The following PAFAH1B1 variants were observed in gnomAD, a reference collection of about 807,000 sequenced individuals.
The protein encoded by PAFAH1B1 is platelet activating factor acetylhydrolase 1b regulatory subunit 1.
A neutral mutation model predicts 57.5 loss-of-function variants in PAFAH1B1; 2 were observed. The observed-to-expected ratio is 0.03, with a 90% CI of 0.01 to 0.11. The LOEUF is 0.11. PAFAH1B1 is among the 10% of genes least tolerant of loss of function. The probability of loss-of-function intolerance (pLI) is 1.00; values close to 1 mark genes in which losing one functional copy is unlikely to be tolerated. For missense variants in PAFAH1B1, 257 were observed against 512.0 expected (o/e 0.50, Z 4.81); for synonymous variants, 152 against 169.6 (o/e 0.90, Z 0.81).
chr17:2,626,250 T>C (rs1659932477), intron 1 of PAFAH1B1, among the ~76,000 whole-genome samples: 1 of 149,554 alleles, frequency 6.7e-6, no homozygotes, highest in Admixed American at 6.7e-5. Flanking sequence ...AGACTCCGTC[T>C]CAAAAAAAAA....
chr17:2,604,084 C>G (rs1416807733), intron 1 of PAFAH1B1, among the ~76,000 whole-genome samples: 1 of 151,356 alleles, frequency 6.6e-6, no homozygotes, highest in African/African-American at 2.4e-5. Flanking sequence ...TCTTGTCGCC[C>G]AGGAGTGCAA....
At chr17:2,643,983 G>A (rs188219766) in intron 2 of PAFAH1B1, among the ~76,000 whole-genome samples, 192 of 152,176 alleles carry the variant, frequency 1.3e-3, no homozygotes, top group Admixed American at 3.6e-3. Context: ...ATCCTCCCAC[G>A]TCAGTCTTCT....
At chr17:2,678,777 T>C (rs953180516) in intron 9 of PAFAH1B1, among the ~76,000 whole-genome samples, 4 of 151,834 alleles carry the variant, frequency 2.6e-5, no homozygotes, top group African/African-American at 9.7e-5. Flanking sequence ...CCTAGCTACT[T>C]GGGAGGCTAA....
chr17:2,682,144 GTT>G lies in PAFAH1B1; in HGVS notation c.*346_*347del. On this transcript the variant is annotated 3_prime_UTR_variant, in exon 11 of 11. Coordinates refer to ENST00000397195, the MANE Select transcript of PAFAH1B1 (RefSeq NM_000430.4). Reference sequence around the variant, plus strand: ...ATTTTATGTTGGATTATTAATTCCTGTTTTTCTTTCTGCTATCTGTTGGTGCC... The same window carrying G: ...ATTTTATGTTGGATTATTAATTCCTGTTTCTTTCTGCTATCTGTTGGTGCC... The G allele has an allele frequency of 4.8e-6, 1 of 206,386 alleles. No homozygotes were observed. The highest frequency in any genetic ancestry group is 9.8e-6 in the Non-Finnish European group (1 of 102,250). The allele number at this position is 206,386 out of a possible 1,614,324, so 12.8% of individuals were successfully genotyped here.
rs1285849714 is a variant in PAFAH1B1, at chr17:2,684,452, TTCTC to T, written c.*2651_*2654del. 2 of 152,672 alleles carry T rather than the reference TTCTC, an allele frequency of 1.3e-5. No individual in the cohort carries two copies. Among genetic ancestry groups the T allele is most frequent in the African/African-American group, 2.4e-5 (1 of 41,444 alleles). 9.5% of individuals were successfully genotyped at this position (152,672 alleles called of 1,614,324 possible). ...AGAGGTTCACTGCTGCTTTGTCACT[TTCTC>T]AATCAAATTGGCCACTTAAGAAATA... is the stretch of plus-strand genomic sequence containing the variant. On this transcript the variant is annotated 3_prime_UTR_variant, in exon 11 of 11. Transcript: ENST00000397195.
At chr17:2,599,977 T>C (rs1345465878) in intron 1 of PAFAH1B1, among the ~76,000 whole-genome samples, 1 of 133,886 alleles carries the variant, frequency 7.5e-6, no homozygotes, top group Middle Eastern at 3.3e-3. Context: ...TAACCTTTTT[T>C]TTTTTTTTTT....
chr17:2,614,947 TC>T (rs1197821257), intron 1 of PAFAH1B1, among the ~76,000 whole-genome samples: 1 of 152,138 alleles, frequency 6.6e-6, no homozygotes, highest in Non-Finnish European at 1.5e-5. Flanking sequence ...ACGAAAACAG[TC>T]AATGTTTGTC....
intron 1 of PAFAH1B1, among the ~76,000 whole-genome samples, chr17:2,615,265 T>G (rs1293863551): frequency 6.6e-6 from 1 of 152,208 alleles, no homozygotes; most frequent in African/African-American, 2.4e-5. Context: ...ATTGTTTTAT[T>G]GGTATCCGGG....
Position 2,685,048 on chromosome 17 carries a change from A to C in PAFAH1B1, c.*3246A>C, listed in dbSNP as rs2069454192. On this transcript the variant is annotated 3_prime_UTR_variant, in exon 11 of 11. Coordinates refer to ENST00000397195, the MANE Select transcript of PAFAH1B1 (RefSeq NM_000430.4). ...GAAGGAAAAGGCACTTAAATTGGTT[A>C]CTTTCATGTCCAGCTGTATATAAGT... The C allele has an allele frequency of 1.3e-5, 2 of 152,094 alleles. No homozygotes were observed. The highest frequency in any genetic ancestry group is 4.1e-4 in the South Asian group (2 of 4,820). 9.4% of individuals were successfully genotyped at this position (152,094 alleles called of 1,614,324 possible). A position where few individuals can be genotyped will look rare whatever the true frequency, so the allele number is the denominator to read the frequency against.
chr17:2,664,665 G>GCGCGCGCTCTCTCTCTCTCTCTCTCT, intron 2 of PAFAH1B1, among the ~76,000 whole-genome samples: 10 of 86,086 alleles, frequency 1.2e-4, no homozygotes, highest in Non-Finnish European at 2.1e-4. Flanking sequence ...TCTATCTATC[G>GCGCGCGCTCTCTCTCTCTCTCTCTCT]CTCTCTCTCT....
chr17:2,620,784 C>T lies in PAFAH1B1; in HGVS notation c.-190-17315C>T, dbSNP rs375171888. Among the ~76,000 whole-genome samples the T allele has an allele frequency of 1.1e-4, 16 of 152,098 alleles. No homozygotes were observed. In the East Asian group the frequency reaches 1.5e-3, roughly 15 times the overall value. On this transcript the variant is annotated intron_variant, in intron 1 of 10. Coordinates refer to ENST00000397195, the MANE Select transcript of PAFAH1B1 (RefSeq NM_000430.4). ...GGCTGAGGTAGGAGAATCACTTGAA[C>T]CTGGGAGGCAGAGGTTGCGGTGAGC...
intron 1 of PAFAH1B1, among the ~76,000 whole-genome samples, chr17:2,628,709 G>A (rs951678954): frequency 1.3e-5 from 2 of 152,050 alleles, no homozygotes; most frequent in African/African-American, 2.4e-5. Flanking sequence ...CTGTGAATCC[G>A]TCTGGTCCTG....
intron 1 of PAFAH1B1, among the ~76,000 whole-genome samples, chr17:2,600,298 G>A (rs2068126852): frequency 6.6e-6 from 1 of 151,818 alleles, no homozygotes; most frequent in Non-Finnish European, 1.5e-5. Context: ...TATGGGTTGG[G>A]CACTGTGGTT....
intron 1 of PAFAH1B1, among the ~76,000 whole-genome samples, chr17:2,611,579 T>G (rs1022948895): frequency 1.3e-5 from 2 of 152,188 alleles, no homozygotes; most frequent in African/African-American, 4.8e-5. Context: ...GAATCAGGAC[T>G]CATGCTGGTT....
At chr17:2,616,323 G>A (rs79573085) in intron 1 of PAFAH1B1, among the ~76,000 whole-genome samples, 2 of 152,146 alleles carry the variant, frequency 1.3e-5, no homozygotes. Context: ...CTCCAGAGAA[G>A]CAAGGCCAAT....
chr17:2,667,750 C>T (rs925015613), intron 5 of PAFAH1B1, among the ~76,000 whole-genome samples: 11 of 151,866 alleles, frequency 7.2e-5, no homozygotes, highest in Non-Finnish European at 1.3e-4. Flanking sequence ...ATTGGCTTTC[C>T]AGGAGTGTGG....
intron 2 of PAFAH1B1, among the ~76,000 whole-genome samples, chr17:2,639,032 T>G (rs1406041780): frequency 6.6e-6 from 1 of 152,134 alleles, no homozygotes; most frequent in African/African-American, 2.4e-5. Flanking sequence ...CCCGAGTAGC[T>G]GAGACTACAG....
At chr17:2,673,016 C>T (rs113844552) in intron 7 of PAFAH1B1, among the ~76,000 whole-genome samples, 11 of 151,848 alleles carry the variant, frequency 7.2e-5, no homozygotes, top group South Asian at 2.1e-4. Flanking sequence ...TGCAGTGAGC[C>T]GAGATCGTGC....
intron 1 of PAFAH1B1, among the ~76,000 whole-genome samples, chr17:2,599,717 G>C (rs945666476): frequency 3.9e-5 from 6 of 152,114 alleles, no homozygotes; most frequent in Non-Finnish European, 8.8e-5. Context: ...GTTACACTTT[G>C]ACAGAATTCT....
Sources: allele counts gnomAD v4.1 joint callset (sites outside exome capture counted in the v4.1 genomes callset), GRCh38; gene constraint gnomAD v4.1.1; transcripts MANE v1.5; gene names NCBI Gene and HGNC (gene_info 2026-07-23, HGNC 2026-07-21).